The following HLCS variants were observed in gnomAD, a reference collection of about 807,000 sequenced individuals.
HLCS encodes the protein holocarboxylase synthetase.
HLCS carries 53 observed loss-of-function variants against 75.0 expected under a neutral mutation model. The observed-to-expected ratio is 0.71, with a 90% CI of 0.57 to 0.89. The LOEUF (loss-of-function observed/expected upper bound fraction) is 0.89, where lower values mean the gene tolerates loss of function less well. Among genes scored for constraint, HLCS ranks in the 40% least tolerant of loss-of-function variants. HLCS has a pLI of 0.00. For missense variants in HLCS, 966 were observed against 1,074.0 expected, an observed-to-expected ratio of 0.90 and a Z score of 1.41; for synonymous variants, 431 against 428.6, an observed-to-expected ratio of 1.01 and a Z score of -0.07.
At chr21:36,965,104 T>C (rs4817835) in intron 1 of HLCS, among the ~76,000 whole-genome samples, 92,778 of 152,026 alleles carry the variant, frequency 0.61, 28,606 homozygotes, top group East Asian at 0.75. Context: ...ATAATACATA[T>C]ATGGTACTAA....
chr21:36,922,134 G>A (rs906518354), intron 5 of HLCS, among the ~76,000 whole-genome samples: 8 of 151,874 alleles, frequency 5.3e-5, no homozygotes, highest in African/African-American at 1.7e-4. Flanking sequence ...CTCAATTCAC[G>A]AAATAAAATT....
At chr21:36,948,079 C>G (rs1184675245) in intron 2 of HLCS, 1 of 628,934 alleles carries the variant, frequency 1.6e-6, no homozygotes, top group African/African-American at 2.0e-5. Context: ...ATCACGAGGT[C>G]AGGAGTTCGA....
At chr21:36,865,762 C>T (rs939148534) in intron 6 of HLCS, among the ~76,000 whole-genome samples, 1 of 152,198 alleles carries the variant, frequency 6.6e-6, no homozygotes, top group Non-Finnish European at 1.5e-5. Flanking sequence ...CCCTATCATA[C>T]ATACTTTATA....
chr21:36,957,368 G>A (rs1189740123), intron 2 of HLCS, among the ~76,000 whole-genome samples: 1 of 152,148 alleles, frequency 6.6e-6, no homozygotes, highest in Non-Finnish European at 1.5e-5. Flanking sequence ...GCCCTCACCA[G>A]AAGCACATGC....
intron 5 of HLCS, among the ~76,000 whole-genome samples, chr21:36,918,991 G>A (rs996575644): frequency 2.0e-5 from 3 of 152,222 alleles, no homozygotes; most frequent in African/African-American, 7.2e-5. Context: ...ATTATATGAA[G>A]AGATTGTTTC....
upstream of HLCS, among the ~76,000 whole-genome samples, chr21:36,969,862 C>T (rs182787213): frequency 1.4e-3 from 215 of 152,176 alleles, no homozygotes; most frequent in African/African-American, 4.6e-3. Context: ...CGTGAGCCAC[C>T]GCGCCCGGTC....
At chr21:36,809,338 G>C (rs1047616656) in intron 6 of HLCS, among the ~76,000 whole-genome samples, 4 of 152,152 alleles carry the variant, frequency 2.6e-5, no homozygotes, top group African/African-American at 7.2e-5. Flanking sequence ...GATTATTACT[G>C]TATGGCTTTT....
chr21:36,958,071 CAATAAATA>C (rs926024562), intron 2 of HLCS, among the ~76,000 whole-genome samples: 1 of 76,734 alleles, frequency 1.3e-5, no homozygotes, highest in South Asian at 4.9e-4. Flanking sequence ...ACTAAAAATA[CAATAAATA>C]AATAAATAAA....
At chr21:36,815,367 G>T (rs192152395) in intron 6 of HLCS, among the ~76,000 whole-genome samples, 4 of 152,268 alleles carry the variant, frequency 2.6e-5, no homozygotes, top group Non-Finnish European at 5.9e-5. Flanking sequence ...GAAATACAAA[G>T]ATTTGGTCTC....
chr21:36,884,313 G>GTAT (rs1470325947), intron 6 of HLCS, among the ~76,000 whole-genome samples: 1 of 152,152 alleles, frequency 6.6e-6, no homozygotes, highest in Non-Finnish European at 1.5e-5. Context: ...ACCATGAGTG[G>GTAT]GCATTATTGC....
Position 36,814,372 on chromosome 21 carries a change from C to A in HLCS, c.1893-47087G>T, listed in dbSNP as rs1182061022. Among the ~76,000 whole-genome samples the A allele has an allele frequency of 4.6e-5, 7 of 152,294 alleles. No individual in the cohort carries two copies. The South Asian group carries it at 1.4e-3, about 32-fold the overall frequency. On this transcript the variant is annotated intron_variant, in intron 6 of 10. Transcript: ENST00000674895. The stretch of plus-strand genomic sequence containing the variant: ...CTGTCAGATTTCACAAAGAAAAATA[C>A]AGAATGCCCATTTAAATGTGAATTT...
At chr21:36,956,359 C>T (rs1316523651) in intron 2 of HLCS, among the ~76,000 whole-genome samples, 1 of 152,094 alleles carries the variant, frequency 6.6e-6, no homozygotes, top group Non-Finnish European at 1.5e-5. Context: ...GATGAGAGTA[C>T]ATTTGGAACA....
At chr21:36,795,539 T>C (rs911557383) in intron 6 of HLCS, among the ~76,000 whole-genome samples, 3 of 152,210 alleles carry the variant, frequency 2.0e-5, no homozygotes, top group Non-Finnish European at 2.9e-5. Context: ...TTATAAACAT[T>C]TGACAAATAG....
At chr21:36,785,538 C>T (rs2060662279) in intron 6 of HLCS, among the ~76,000 whole-genome samples, 1 of 152,140 alleles carries the variant, frequency 6.6e-6, no homozygotes, top group Non-Finnish European at 1.5e-5. Flanking sequence ...CATTTTATAT[C>T]CTGTTCTCTT....
At chr21:36,770,722 TACC>T (rs1169208201) in intron 6 of HLCS, among the ~76,000 whole-genome samples, 1 of 151,986 alleles carries the variant, frequency 6.6e-6, no homozygotes. Flanking sequence ...TATGGGTTCA[TACC>T]ACCACACCTG....
At chr21:36,798,835 TTGC>T (rs749919511) in intron 6 of HLCS, among the ~76,000 whole-genome samples, 17 of 152,220 alleles carry the variant, frequency 1.1e-4, no homozygotes, top group Non-Finnish European at 2.2e-4. Flanking sequence ...TAAATTTTCT[TTGC>T]TGAAGTGTCT....
At chr21:36,836,200 C>G (rs890011924) in intron 6 of HLCS, among the ~76,000 whole-genome samples, 1 of 151,964 alleles carries the variant, frequency 6.6e-6, no homozygotes, top group Non-Finnish European at 1.5e-5. Context: ...TGGTAAGGGC[C>G]GATGTCCTTC....
intron 6 of HLCS, among the ~76,000 whole-genome samples, chr21:36,781,942 A>G (rs1367311204): frequency 6.6e-6 from 1 of 152,162 alleles, no homozygotes; most frequent in Non-Finnish European, 1.5e-5. Flanking sequence ...AAATAATCAT[A>G]CATTTTTCTT....
At chr21:36,813,884 A>G (rs993494745) in intron 6 of HLCS, among the ~76,000 whole-genome samples, 1 of 152,216 alleles carries the variant, frequency 6.6e-6, no homozygotes, top group Non-Finnish European at 1.5e-5. Context: ...AAAACTTAAT[A>G]GTCAAATCTG....
Sources: allele counts gnomAD v4.1 joint callset (sites outside exome capture counted in the v4.1 genomes callset), GRCh38; gene constraint gnomAD v4.1.1; transcripts MANE v1.5; gene names NCBI Gene and HGNC (gene_info 2026-07-23, HGNC 2026-07-21).